Variants in PCP4 observed in about 807,000 individuals in gnomAD.
PCP4 encodes calmodulin regulator protein PCP4.
A neutral mutation model predicts 10.0 loss-of-function variants in PCP4; 8 were observed. That is an observed-to-expected ratio of 0.80 (90% CI 0.47 to 1.45). The LOEUF (loss-of-function observed/expected upper bound fraction) is 1.45. Among genes scored for constraint, PCP4 ranks in the 40% most tolerant of loss-of-function variants. PCP4 has a pLI of 0.00. For missense variants in PCP4, 54 were observed against 74.4 expected (o/e 0.73, Z 1.01); for synonymous variants, 21 against 23.0 (o/e 0.91, Z 0.24).
intron 2 of PCP4, among the ~76,000 whole-genome samples, chr21:39,921,136 C>T (rs1387427158): frequency 1.3e-5 from 2 of 152,220 alleles, no homozygotes; most frequent in Admixed American, 1.3e-4. Flanking sequence ...GTATAGTTCC[C>T]CCAGACAGCC....
intron 2 of PCP4, among the ~76,000 whole-genome samples, chr21:39,923,775 C>T (rs895418658): frequency 2.6e-5 from 4 of 152,190 alleles, no homozygotes; most frequent in African/African-American, 9.6e-5. Context: ...GCATTCGTTT[C>T]GTCCATACCA....
chr21:39,923,222 G>T (rs1456078097), intron 2 of PCP4, among the ~76,000 whole-genome samples: 1 of 152,204 alleles, frequency 6.6e-6, no homozygotes, highest in Non-Finnish European at 1.5e-5. Flanking sequence ...GTTGAGCAAA[G>T]AATGATTCCA....
intron 1 of PCP4, among the ~76,000 whole-genome samples, chr21:39,875,164 G>A (rs999134418): frequency 2.2e-4 from 34 of 152,224 alleles, no homozygotes; most frequent in African/African-American, 7.0e-4. Flanking sequence ...GTTTCGTTAG[G>A]AGTTGTTAGA....
intron 2 of PCP4, among the ~76,000 whole-genome samples, chr21:39,928,196 C>T (rs990021741): frequency 6.6e-6 from 1 of 152,130 alleles, no homozygotes; most frequent in African/African-American, 2.4e-5. Context: ...CACGCCGGGT[C>T]TCATCAGACT....
At chr21:39,904,077 T>G (rs1257171534) in intron 2 of PCP4, among the ~76,000 whole-genome samples, 6 of 152,164 alleles carry the variant, frequency 3.9e-5, no homozygotes, top group Non-Finnish European at 4.4e-5. Flanking sequence ...GTCACTTTCT[T>G]ATTTTTCTGC....
intron 1 of PCP4, among the ~76,000 whole-genome samples, chr21:39,885,404 A>G (rs2087395579): frequency 6.6e-6 from 1 of 152,214 alleles, no homozygotes; most frequent in Non-Finnish European, 1.5e-5. Flanking sequence ...TGCTCTGACC[A>G]CAGCTTGTCC....
chr21:39,927,339 G>GTCTATCTATCTATCTA (rs1240545991), intron 2 of PCP4, among the ~76,000 whole-genome samples: 164 of 98,918 alleles, frequency 1.7e-3, no homozygotes, highest in African/African-American at 5.5e-3. Flanking sequence ...CTATCTATCT[G>GTCTATCTATCTATCTA]TCTATCTATC....
chr21:39,867,563 G>C, intron 1 of PCP4, 53 bp downstream of exon 1: 3 of 1,565,788 alleles, frequency 1.9e-6, no homozygotes, highest in Non-Finnish European at 2.6e-6. Context: ...AAGGGACCTC[G>C]GCTGAAGGAT....
chr21:39,882,427 G>A (rs1486676983), intron 1 of PCP4, among the ~76,000 whole-genome samples: 7 of 152,116 alleles, frequency 4.6e-5, no homozygotes, highest in East Asian at 1.9e-4. Flanking sequence ...GAGTACACCC[G>A]GCATGGCATT....
chr21:39,883,577 A>G (rs1294547412), intron 1 of PCP4: 1 of 152,244 alleles, frequency 6.6e-6, no homozygotes, highest in Non-Finnish European at 1.5e-5. Context: ...CCTTCATGAG[A>G]AAAATGACAC....
At chr21:39,897,110 C>T (rs567113256) in intron 1 of PCP4, among the ~76,000 whole-genome samples, 17 of 152,272 alleles carry the variant, frequency 1.1e-4, no homozygotes, top group African/African-American at 3.8e-4. Flanking sequence ...AGAGACTTGG[C>T]TGGGCATGGT....
chr21:39,884,791 C>T lies in PCP4; in HGVS notation c.10-13685C>T, dbSNP rs150018738. On this transcript the variant is annotated intron_variant, in intron 1 of 2. Transcript: ENST00000328619. ...CCAGGCTGGGTGACAGAGGAGACTC[C>T]GTCTTAAAAAGAGAGAGAGAGAGAG... Among the ~76,000 whole-genome samples, 384 of 138,930 alleles carry T rather than the reference C, an allele frequency of 2.8e-3. 3 individuals are homozygous for T. The highest frequency in any genetic ancestry group is 0.011 in the African/African-American group (365 of 34,468). 91.1% of individuals were successfully genotyped at this position (138,930 alleles called of 152,430 possible).
Position 39,916,915 on chromosome 21 carries a change from G to C in PCP4, c.62-12069G>C, listed in dbSNP as rs532605726. On this transcript the variant is annotated intron_variant, in intron 2 of 2. Transcript: ENST00000328619. ...GAATGATGAGAACACATGAATGCAT[G>C]GGGGAGAACAATACACACTGGGGCT... is the stretch of plus-strand genomic sequence containing the variant. 1.7e-4 allele frequency among the ~76,000 whole-genome samples: 26 copies of C among 152,258 alleles called. 1 individual carries two copies. Among genetic ancestry groups the C allele is most frequent in the African/African-American group, 6.3e-4 (26 of 41,544 alleles).
Position 39,929,161 on chromosome 21 carries a change from T to A in PCP4, c.*50T>A. Reference sequence around the variant, plus strand: ...CTGAAAACACCAAATTCAACCATCATCTGTCAAGAAATTAAAAGAACAACA... The same window carrying A: ...CTGAAAACACCAAATTCAACCATCAACTGTCAAGAAATTAAAAGAACAACA... On this transcript the variant is annotated 3_prime_UTR_variant, in exon 3 of 3. Transcript: ENST00000328619. 6.4e-7 allele frequency: 1 copy of A among 1,568,986 alleles called. No homozygotes were observed. Among genetic ancestry groups the A allele is most frequent in the South Asian group, 1.2e-5 (1 of 85,702 alleles).
chr21:39,867,604 T>C (rs2087300708), intron 1 of PCP4, 94 bp downstream of exon 1: 7 of 1,143,644 alleles, frequency 6.1e-6, no homozygotes, highest in South Asian at 2.5e-5. Flanking sequence ...GACTTAGCAG[T>C]GCTGAGGAAC....
intron 1 of PCP4, among the ~76,000 whole-genome samples, chr21:39,870,947 C>G (rs1236706807): frequency 6.6e-6 from 1 of 152,168 alleles, no homozygotes; most frequent in Admixed American, 6.5e-5. Context: ...CGATGCCCAT[C>G]AAAGGCATGG....
At chr21:39,867,659 T>A in intron 1 of PCP4, 149 bp downstream of exon 1, 1 of 845,970 alleles carries the variant, frequency 1.2e-6, no homozygotes, top group Non-Finnish European at 2.0e-6. Flanking sequence ...ACAGGATTAA[T>A]CTCTTGGTTT....
intron 1 of PCP4, among the ~76,000 whole-genome samples, chr21:39,879,009 G>A (rs567629163): frequency 2.8e-5 from 4 of 142,712 alleles, no homozygotes; most frequent in African/African-American, 1.1e-4. Flanking sequence ...TTTTTTTTGA[G>A]ACTGAATTTT....
chr21:39,903,882 A>AC (rs1255558594), intron 2 of PCP4, among the ~76,000 whole-genome samples: 5 of 143,914 alleles, frequency 3.5e-5, no homozygotes, highest in African/African-American at 5.2e-5. Flanking sequence ...AAAACAAAAA[A>AC]AAAAAAAAAA....
Sources: allele counts gnomAD v4.1 joint callset (sites outside exome capture counted in the v4.1 genomes callset), GRCh38; gene constraint gnomAD v4.1.1; transcripts MANE v1.5; gene names NCBI Gene and HGNC (gene_info 2026-07-23, HGNC 2026-07-21).